Variants in FBH1 observed in about 807,000 individuals in gnomAD.
FBH1 encodes DNA 3'-5' helicase 1.
In FBH1, 43 loss-of-function variants were observed where a neutral mutation model predicts 115.5. That is an observed-to-expected ratio of 0.37 (90% confidence interval 0.29 to 0.48). The LOEUF is 0.48. FBH1 is among the 20% of genes least tolerant of loss of function. FBH1 has a pLI of 0.99. For synonymous variants in FBH1, 524 were observed against 507.8 expected, an observed-to-expected ratio of 1.03 and a Z score of -0.43; for missense variants, 1,001 against 1,337.3, an observed-to-expected ratio of 0.75 and a Z score of 3.92.
At chr10:5,891,079 G>A (rs1842692762) in intron 1 of FBH1, 20 of 885,830 alleles carry the variant, frequency 2.3e-5, no homozygotes, top group Non-Finnish European at 2.6e-5. Context: ...GGGAAGTGGA[G>A]GCCTAACCAA....
intron 13 of FBH1, among the ~76,000 whole-genome samples, chr10:5,920,625 A>T (rs1204618135): frequency 6.6e-6 from 1 of 152,234 alleles, no homozygotes; most frequent in Admixed American, 6.5e-5. Context: ...TTATAGCAAC[A>T]AAGTAGTGTT....
intron 1 of FBH1, chr10:5,894,076 C>T (rs1424800224): frequency 8.1e-6 from 8 of 985,358 alleles, no homozygotes; most frequent in Admixed American, 1.2e-4. Context: ...GAGAGGATCC[C>T]GGGGAGATTG....
chr10:5,896,596 G>A (rs753208568), intron 1 of FBH1, among the ~76,000 whole-genome samples: 1 of 152,126 alleles, frequency 6.6e-6, no homozygotes, highest in African/African-American at 2.4e-5. Flanking sequence ...TGGTTATTGT[G>A]GAAGAGAGTG....
At position 5,925,552 on chromosome 10, in the gene FBH1, C is replaced by T; in HGVS notation, c.2722+60C>T. On this transcript the variant is annotated intron_variant, in intron 18 of 20. Transcript: ENST00000362091. This position sits in a 1 kb window ranked among gnomAD's most constrained non-coding sequence, Gnocchi z 4.6. ...TATGTAGTGAGTGGTGACTGGAATG[C>T]TTCCTTTGCACGGCCTTGTTGTTTG... is the stretch of plus-strand genomic sequence containing the variant. 6.2e-7 allele frequency: 1 copy of T among 1,600,500 alleles called. No individual in the cohort carries two copies. The highest frequency in any genetic ancestry group is 1.1e-5 in the South Asian group (1 of 89,180).
In FBH1 at chr10:5,895,282, G is replaced by C. The variant is rs1842944380; in HGVS notation, c.1+4936G>C. ...CCCTCTGTGGATCTTTGTTAAAGTT[G>C]GGTATGGTATTGTAGCAGTTTCTCC... On this transcript the variant is annotated intron_variant, in intron 1 of 20. Coordinates refer to ENST00000362091, the MANE Select transcript of FBH1 (RefSeq NM_178150.3). The surrounding 1 kb of genome is among the most constrained non-coding windows in gnomAD (Gnocchi z 5.0). 6 of 1,403,810 alleles carry C rather than the reference G, an allele frequency of 4.3e-6. No individual in the cohort carries two copies. In the Admixed American group the frequency reaches 9.6e-5, roughly 22 times the overall value. 87.0% of individuals were successfully genotyped at this position (1,403,810 alleles called of 1,614,324 possible). A position where few individuals can be genotyped will look rare whatever the true frequency, so the allele number is the denominator to read the frequency against.
Position 5,915,639 on chromosome 10 carries a change from C to A in FBH1, c.1565+68C>A. ...GTCGCGTCTTACTGTTTTCCCGTGACGATCACATGTGAGCTTACACCACAG... is the reference window on the plus strand; with the variant it reads ...GTCGCGTCTTACTGTTTTCCCGTGAAGATCACATGTGAGCTTACACCACAG... On this transcript the variant is annotated intron_variant, in intron 9 of 20. Coordinates refer to ENST00000362091, the MANE Select transcript of FBH1 (RefSeq NM_178150.3). This position sits in a 1 kb window ranked among gnomAD's most constrained non-coding sequence, Gnocchi z 5.2. 6.8e-7 allele frequency: 1 copy of A among 1,466,372 alleles called. No homozygotes were observed. The highest frequency in any genetic ancestry group is 1.2e-5 in the South Asian group (1 of 81,210). The allele number at this position is 1,466,372 out of a possible 1,614,324, so 90.8% of individuals were successfully genotyped here.
chr10:5,929,997 G>A (rs1216516544), intron 19 of FBH1: 2 of 152,054 alleles, frequency 1.3e-5, no homozygotes, highest in Admixed American at 6.6e-5. Flanking sequence ...AACTGTGCAG[G>A]GTATTACAGA....
rs191105832 is a variant in FBH1 at position 5,927,968 on chromosome 10, A to G, written c.2829+427A>G. 8.5e-3 allele frequency among the ~76,000 whole-genome samples: 1,254 copies of G among 147,136 alleles called. 4 individuals are homozygous for G. The highest frequency in any genetic ancestry group is 0.012 in the Non-Finnish European group (806 of 67,072). On this transcript the variant is annotated intron_variant, in intron 19 of 20. Coordinates refer to ENST00000362091, the MANE Select transcript of FBH1 (RefSeq NM_178150.3). ...GCATCTGTAATTCCAGCTACTCGGG[A>G]GGCTGAGGCAGGAGAAATCACTTGA...
In FBH1 at chr10:5,900,065, C is replaced by T. The variant is rs970018453; in HGVS notation, c.2-2955C>T. 1.3e-5 allele frequency among the ~76,000 whole-genome samples: 2 copies of T among 152,130 alleles called. No individual in the cohort carries two copies. The highest frequency in any genetic ancestry group is 2.9e-5 in the Non-Finnish European group (2 of 68,036). On this transcript the variant is annotated intron_variant, in intron 1 of 20. Coordinates refer to ENST00000362091, the MANE Select transcript of FBH1 (RefSeq NM_178150.3). This position sits in a 1 kb window ranked among gnomAD's most constrained non-coding sequence, Gnocchi z 4.2. ...GCTTTTCTGTTCATAATAAGCGAGA[C>T]ATGTTACTGGTTAGTTTAGAAGGTA...
At chr10:5,919,374 T>C (rs1448175218) in intron 13 of FBH1, among the ~76,000 whole-genome samples, 1 of 152,064 alleles carries the variant, frequency 6.6e-6, no homozygotes, top group Non-Finnish European at 1.5e-5. Context: ...TAGTGTCAGC[T>C]ACTCAGGAGG....
At position 5,915,685 on chromosome 10, in the gene FBH1, C is replaced by A; in HGVS notation, c.1565+114C>A. 1 of 888,190 alleles carries A rather than the reference C, an allele frequency of 1.1e-6. No individual in the cohort carries two copies. 55.0% of individuals were successfully genotyped at this position (888,190 alleles called of 1,614,324 possible). A position where few individuals can be genotyped will look rare whatever the true frequency, so the allele number is the denominator to read the frequency against. Reference sequence around the variant, plus strand: ...CACAGTGACCCCGAGGAGTGTAGTGCTGTTATCTCCACTTACAGGCAGGAA... The same window carrying A: ...CACAGTGACCCCGAGGAGTGTAGTGATGTTATCTCCACTTACAGGCAGGAA... On this transcript the variant is annotated intron_variant, in intron 9 of 20. Transcript: ENST00000362091. This position sits in a 1 kb window ranked among gnomAD's most constrained non-coding sequence, Gnocchi z 5.2.
rs1164438682 is a variant in FBH1, at chr10:5,937,238, C to T, written c.3090C>T (p.Ile1030=). The change falls in exon 21 of 21, where the codon ATC becomes ATT. Residue 1030 remains isoleucine, a synonymous_variant. Coordinates refer to ENST00000362091, the MANE Select transcript of FBH1 (RefSeq NM_178150.3). ...CCATGGAGCGCACTGTGGAGAACAT[C>T]GTACTGCCCCGGCATGAGGCCCTGC... is the stretch of plus-strand genomic sequence containing the variant. ...VRAMERTVEN[I]VLPRHEALLF... is the part of the protein sequence containing the mutation. 1.9e-6 allele frequency: 3 copies of T among 1,611,796 alleles called. No homozygotes were observed. Among genetic ancestry groups the T allele is most frequent in the East Asian group, 2.2e-5 (1 of 44,844 alleles).
Position 5,915,562 on chromosome 10 carries a change from T to C in FBH1, c.1556T>C (p.Ile519Thr). 6.2e-7 allele frequency: 1 copy of C among 1,614,098 alleles called. No individual in the cohort carries two copies. The highest frequency in any genetic ancestry group is 8.5e-7 in the Non-Finnish European group (1 of 1,179,984). Reference sequence around the variant, plus strand: ...TTCCACTCCATGGCCTACGGGCACATAGGGCGGAAGTGAGTACTGCTGTCA... The same window carrying C: ...TTCCACTCCATGGCCTACGGGCACACAGGGCGGAAGTGAGTACTGCTGTCA... ...KTFHSMAYGH[I>T]GRKYQSKKKL... is the part of the protein sequence containing the mutation. The change falls in exon 9 of 21, where the codon ATA becomes ACA. Residue 519 changes from isoleucine (I) to threonine (T), a missense_variant. Transcript: ENST00000362091. The surrounding 1 kb of genome is among the most constrained non-coding windows in gnomAD (Gnocchi z 5.2).
chr10:5,901,529 C>T (rs1302125988), intron 1 of FBH1, among the ~76,000 whole-genome samples: 1 of 150,352 alleles, frequency 6.7e-6, no homozygotes, highest in African/African-American at 2.4e-5. Context: ...TTTTGACCAT[C>T]TCCTATAAAG....
chr10:5,921,101 A>G lies in FBH1; in HGVS notation c.2101-157A>G, dbSNP rs879390953. ...GGAAAATAAAGACTGCTGAGTTGTG[A>G]AGGACCTTGAAAGTGAGCCTGTGAA... On this transcript the variant is annotated intron_variant, in intron 13 of 20. Coordinates refer to ENST00000362091, the MANE Select transcript of FBH1 (RefSeq NM_178150.3). This position sits in a 1 kb window ranked among gnomAD's most constrained non-coding sequence, Gnocchi z 6.4. Among the ~76,000 whole-genome samples, 4 of 152,218 alleles carry G rather than the reference A, an allele frequency of 2.6e-5. No homozygotes were observed. Among genetic ancestry groups the G allele is most frequent in the Admixed American group, 1.3e-4 (2 of 15,276 alleles).
At chr10:5,890,662 G>A (rs541330902) in intron 1 of FBH1, among the ~76,000 whole-genome samples, 2 of 152,272 alleles carry the variant, frequency 1.3e-5, no homozygotes, top group African/African-American at 4.8e-5. Context: ...GCAAGCGCGG[G>A]GACGTGGCCT....
rs775424282 is a variant in FBH1 at position 5,910,402 on chromosome 10, A to G, written c.1021-536A>G. On this transcript the variant is annotated intron_variant, in intron 5 of 20. Transcript: ENST00000362091. This position sits in a 1 kb window ranked among gnomAD's most constrained non-coding sequence, Gnocchi z 4.8. The stretch of plus-strand genomic sequence containing the variant: ...CACAAAATAAACTTTCCATAATTTC[A>G]TATTTATTTAACTTACAATGAACAG... Among the ~76,000 whole-genome samples the G allele has an allele frequency of 6.6e-6, 1 of 152,244 alleles. No homozygotes were observed.
chr10:5,903,097 C>T lies in FBH1; in HGVS notation c.79C>T (p.Pro27Ser), dbSNP rs1229766627. 1 of 1,613,846 alleles carries T rather than the reference C, an allele frequency of 6.2e-7. No homozygotes were observed. Among genetic ancestry groups the T allele is most frequent in the African/African-American group, 1.3e-5 (1 of 75,018 alleles). ...TCGGAGTCACTTGGCTGTGACCCAG[C>T]CCTTCGGTCAAAGATGGACAAACAG... is the stretch of plus-strand genomic sequence containing the variant. Reference protein sequence around the residue: ...LARSHLAVTQPFGQRWTNRDP... With the variant: ...LARSHLAVTQSFGQRWTNRDP... Residue 27 changes from proline to serine, a missense_variant, in exon 2 of 21, where the codon CCC (proline) becomes TCC (serine). Around this residue, in one of 4 missense-constraint regions of FBH1, gnomAD observed 420 missense variants for 430.4 expected, o/e 0.98. Transcript: ENST00000362091.
At position 5,925,017 on chromosome 10, in the gene FBH1, T is replaced by C. The variant is rs996168232; in HGVS notation, c.2597-350T>C. Among the ~76,000 whole-genome samples, 2 of 152,230 alleles carry C rather than the reference T, an allele frequency of 1.3e-5. No homozygotes were observed. The highest frequency in any genetic ancestry group is 4.8e-5 in the African/African-American group (2 of 41,464). ...TACAATGGGATTTTCTAGTCCCAGC[T>C]CTGCCACGTGTAATGTCAGGCAAGC... On this transcript the variant is annotated intron_variant, in intron 17 of 20. Coordinates refer to ENST00000362091, the MANE Select transcript of FBH1 (RefSeq NM_178150.3). This position sits in a 1 kb window ranked among gnomAD's most constrained non-coding sequence, Gnocchi z 4.6.
Sources: allele counts gnomAD v4.1 joint callset (sites outside exome capture counted in the v4.1 genomes callset), GRCh38; gene constraint gnomAD v4.1.1; regional missense constraint gnomAD v4.1.1; non-coding constraint Gnocchi (gnomAD v3.1); transcripts MANE v1.5; gene names NCBI Gene and HGNC (gene_info 2026-07-23, HGNC 2026-07-21).